Variants in PRB3 observed in about 807,000 individuals in gnomAD.
PRB3 encodes the protein basic salivary proline-rich protein 3.
PRB3 carries 9 observed loss-of-function variants against 10.0 expected under a neutral mutation model. That is an observed-to-expected ratio of 0.90 (90% CI 0.54 to 1.57). PRB3 has a LOEUF of 1.57. PRB3 is among the 40% of genes most tolerant of loss of function. The pLI is 0.00. For synonymous variants in PRB3, 89 were observed against 138.6 expected (o/e 0.64, Z 2.52); for missense variants, 285 against 385.5 (o/e 0.74, Z 2.18).
intron 1 of PRB3, among the ~76,000 whole-genome samples, 171 bp downstream of exon 1, chr12:11,269,435 T>C (rs865872518): frequency 6.6e-6 from 1 of 152,216 alleles, no homozygotes; most frequent in South Asian, 2.1e-4. Context: ...GTACATTAAA[T>C]AAATTAGAAG....
At chr12:11,269,298 CA>C (rs1360068530) in intron 1 of PRB3, among the ~76,000 whole-genome samples, 1 of 152,220 alleles carries the variant, frequency 6.6e-6, no homozygotes, top group Non-Finnish European at 1.5e-5. Context: ...AGGATCTTCA[CA>C]GCTGGACTTT....
At chr12:11,266,113 G>C in intron 3 of PRB3, 84 bp from the exon 4 acceptor site, 2 of 434,934 alleles carry the variant, frequency 4.6e-6, no homozygotes, top group Non-Finnish European at 4.6e-6. Context: ...TACTGCAGTA[G>C]AGTACATGAG....
intron 2 of PRB3, 127 bp from the exon 3 acceptor site, chr12:11,268,275 C>G: frequency 1.3e-6 from 2 of 1,486,696 alleles, no homozygotes; most frequent in Non-Finnish European, 1.9e-6. Context: ...CAGTGAAGCT[C>G]TAGAACTCTG....
At chr12:11,268,387 A>C (rs1175156059) in intron 2 of PRB3, among the ~76,000 whole-genome samples, 1 of 151,960 alleles carries the variant, frequency 6.6e-6, no homozygotes, top group African/African-American at 2.4e-5. Context: ...CCCAGCAGGC[A>C]CTCCTGGCAG....
intron 1 of PRB3, among the ~76,000 whole-genome samples, chr12:11,268,896 T>C (rs1948623592): frequency 6.6e-6 from 1 of 152,206 alleles, no homozygotes; most frequent in Non-Finnish European, 1.5e-5. Flanking sequence ...AGCCCCTTTT[T>C]TTCTTCCCTA....
intron 3 of PRB3, among the ~76,000 whole-genome samples, chr12:11,266,424 A>T (rs536926539): frequency 1.3e-5 from 2 of 152,348 alleles, no homozygotes; most frequent in South Asian, 4.1e-4. Context: ...AGTAGCATAA[A>T]ATTGTAAAAG....
At chr12:11,268,207 G>T (rs1948616246) in intron 2 of PRB3, 59 bp from the exon 3 acceptor site, 1 of 1,611,132 alleles carries the variant, frequency 6.2e-7, no homozygotes, top group Non-Finnish European at 8.5e-7. Context: ...TTACAGTAAC[G>T]CAGCTAAATG....
intron 1 of PRB3, among the ~76,000 whole-genome samples, chr12:11,268,892 T>C (rs1248193255): frequency 6.6e-6 from 1 of 152,138 alleles, no homozygotes; most frequent in Admixed American, 6.5e-5. Context: ...GAAGAGCCCC[T>C]TTTTTTCTTC....
rs1443405134 is a variant in PRB3 at position 11,265,943 on chromosome 12, G to T, written c.*104C>A. ...AAATTGTAAGCTGTTTATTTTATTG[G>T]TATATTAAAGGTAGAGCTATGACCA... On this transcript the variant is annotated 3_prime_UTR_variant, in exon 4 of 4. Coordinates refer to ENST00000538488, the MANE Select transcript of PRB3 (RefSeq NM_001394862.1). 1 of 456,136 alleles carries T rather than the reference G, an allele frequency of 2.2e-6. No individual in the cohort carries two copies. 28.3% of individuals were successfully genotyped at this position (456,136 alleles called of 1,614,324 possible). A position where few individuals can be genotyped will look rare whatever the true frequency, so the allele number is the denominator to read the frequency against.
At chr12:11,268,492 A>G (rs1278630041) in intron 2 of PRB3, 141 bp downstream of exon 2, 3 of 1,215,306 alleles carry the variant, frequency 2.5e-6, no homozygotes, top group African/African-American at 3.0e-5. Flanking sequence ...TCAAGGTTGC[A>G]TGAAGATTGC....
rs369202988 is a variant in PRB3 at position 11,267,457 on chromosome 12, T to G, written c.792A>C (p.Pro264=). Residue 264 remains proline, a synonymous_variant, in exon 3 of 4, where the codon CCA becomes CCC. Coordinates refer to ENST00000538488, the MANE Select transcript of PRB3 (RefSeq NM_001394862.1). The part of the protein sequence containing the change: ...GNQSQGPPPR[P]GKPEGPPSQG... ...GTGAAGGTGGTCCTTCTGGCTTTCC[T>G]GGACGAGGTGGGGGACCTTGGGACT... 8 of 1,462,560 alleles carry G rather than the reference T, an allele frequency of 5.5e-6. No homozygotes were observed. Among genetic ancestry groups the G allele is most frequent in the Non-Finnish European group, 7.3e-6 (8 of 1,093,116 alleles). 90.6% of individuals were successfully genotyped at this position (1,462,560 alleles called of 1,614,324 possible). A position where few individuals can be genotyped will look rare whatever the true frequency, so the allele number is the denominator to read the frequency against.
Position 11,268,046 on chromosome 12 carries a change from G to A in PRB3, c.203C>T (p.Ser68Phe). ...TCCTGGACGAGGTGGGGGACCTTGG[G>A]ACTGGTTGCCTCCTTGTGGGGGTCG... ...EGRPPQGGNQSQGPPPRPGKP... is the reference protein window; with the variant it reads ...EGRPPQGGNQFQGPPPRPGKP... Residue 68 changes from serine (S) to phenylalanine (F), a missense_variant, in exon 3 of 4, where the codon TCC (serine) becomes TTC (phenylalanine). Physicochemically the swap from Ser to Phe is radical, Grantham distance 155. Around this residue, in one of 3 missense-constraint regions of PRB3, gnomAD observed 147 missense variants for 129.4 expected, o/e 1.14. Transcript: ENST00000538488. 1 of 1,601,070 alleles carries A rather than the reference G, an allele frequency of 6.2e-7. No homozygotes were observed. The highest frequency in any genetic ancestry group is 8.5e-7 in the Non-Finnish European group (1 of 1,172,156).
At position 11,266,013 on chromosome 12, in the gene PRB3, ATCT is replaced by A. The variant is rs1948583380; in HGVS notation, c.*31_*33del. On this transcript the variant is annotated 3_prime_UTR_variant, in exon 4 of 4. Transcript: ENST00000538488. ...CATTTGAATCATTTGAATCACTGTC[ATCT>A]TCTTGTTCACTTCCTGAAACAAACA... The A allele has an allele frequency of 2.2e-6, 1 of 456,154 alleles. No homozygotes were observed. The highest frequency in any genetic ancestry group is 4.4e-6 in the Non-Finnish European group (1 of 226,798). The allele number at this position is 456,154 out of a possible 1,614,324, so 28.3% of individuals were successfully genotyped here.
chr12:11,266,265 G>A (rs1948585396), intron 3 of PRB3, among the ~76,000 whole-genome samples: 1 of 152,196 alleles, frequency 6.6e-6, no homozygotes, highest in Non-Finnish European at 1.5e-5. Flanking sequence ...TCCTTAGGTT[G>A]TTATGACTCA....
At position 11,265,942 on chromosome 12, in the gene PRB3, G is replaced by C. The variant is rs762086655; in HGVS notation, c.*105C>G. The C allele has an allele frequency of 2.0e-5, 9 of 455,854 alleles. No homozygotes were observed. The highest frequency in any genetic ancestry group is 1.4e-4 in the South Asian group (9 of 64,430). 28.2% of individuals were successfully genotyped at this position (455,854 alleles called of 1,614,324 possible). On this transcript the variant is annotated 3_prime_UTR_variant, in exon 4 of 4. Coordinates refer to ENST00000538488, the MANE Select transcript of PRB3 (RefSeq NM_001394862.1). Reference sequence around the variant, plus strand: ...GAAATTGTAAGCTGTTTATTTTATTGGTATATTAAAGGTAGAGCTATGACC... The same window carrying C: ...GAAATTGTAAGCTGTTTATTTTATTCGTATATTAAAGGTAGAGCTATGACC...
At position 11,269,650 on chromosome 12, in the gene PRB3, G is replaced by T. The variant is rs376441621; in HGVS notation, c.20C>A (p.Ser7Ter). The change falls in exon 1 of 4, where the codon TCG (serine) becomes TAG (stop). Residue 7 changes from serine to a stop codon, truncating the protein, a stop_gained. Transcript: ENST00000538488. LOFTEE classifies it high-confidence loss of function. ...TGAGCTCAGGGCCAGCAGGGCCACC[G>T]ACAGCAGAATCAGTAGCATCTTGCT... is the stretch of plus-strand genomic sequence containing the variant. MLLILL[S>*]VALLALSSAQ... 1.2e-6 allele frequency: 2 copies of T among 1,614,058 alleles called. No homozygotes were observed. Among genetic ancestry groups the T allele is most frequent in the Non-Finnish European group, 8.5e-7 (1 of 1,179,956 alleles).
chr12:11,268,490 G>A, intron 2 of PRB3, 143 bp downstream of exon 2: 2 of 1,187,780 alleles, frequency 1.7e-6, no homozygotes, highest in East Asian at 4.7e-5. Context: ...AATCAAGGTT[G>A]CATGAAGATT....
intron 3 of PRB3, among the ~76,000 whole-genome samples, chr12:11,266,366 C>A (rs1388199779): frequency 6.6e-6 from 1 of 152,132 alleles, no homozygotes; most frequent in East Asian, 1.9e-4. Flanking sequence ...CCCTCAGTAT[C>A]CAGTGACAGG....
intron 3 of PRB3, 103 bp from the exon 4 acceptor site, chr12:11,266,132 C>T (rs976315660): frequency 1.7e-5 from 7 of 412,238 alleles, no homozygotes; most frequent in Admixed American, 1.3e-4. Flanking sequence ...AGATCCCATC[C>T]TCTCTCCCCA....
Sources: allele counts gnomAD v4.1 joint callset (sites outside exome capture counted in the v4.1 genomes callset), GRCh38; gene constraint gnomAD v4.1.1; regional missense constraint gnomAD v4.1.1; transcripts MANE v1.5; gene names NCBI Gene and HGNC (gene_info 2026-07-23, HGNC 2026-07-21).